Variants in HMGCL observed in about 807,000 individuals in gnomAD.
The protein encoded by HMGCL is hydroxymethylglutaryl-CoA lyase, mitochondrial.
HMGCL carries 26 observed loss-of-function variants against 37.3 expected under a neutral mutation model. The observed-to-expected ratio is 0.70, with a 90% CI of 0.51 to 0.97. The LOEUF (loss-of-function observed/expected upper bound fraction) is 0.97. Ranked by LOEUF, HMGCL falls within the 50% of genes least tolerant of loss-of-function variation. HMGCL has a pLI of 0.00. For missense variants in HMGCL, 379 were observed against 398.1 expected (o/e 0.95, Z 0.41); for synonymous variants, 151 against 148.0 (o/e 1.02, Z -0.15).
intron 7 of HMGCL, 103 bp downstream of exon 7, chr1:23,808,032 C>G: frequency 9.2e-7 from 1 of 1,087,896 alleles, no homozygotes; most frequent in Non-Finnish European, 1.4e-6. Flanking sequence ...CAGCTTGGAA[C>G]CTGGCATACT....
intron 7 of HMGCL, chr1:23,807,257 C>G (rs1378548326): frequency 1.9e-6 from 1 of 518,440 alleles, no homozygotes; most frequent in East Asian, 5.4e-5. Flanking sequence ...AAGGAAAGCC[C>G]AGGAACCAGG....
chr1:23,808,960 CAGTGGCA>C (rs1295253846), intron 6 of HMGCL, among the ~76,000 whole-genome samples: 2 of 150,738 alleles, frequency 1.3e-5, no homozygotes, highest in Non-Finnish European at 3.0e-5. Flanking sequence ...GGCTGGAGTG[CAGTGGCA>C]CAATCTCGGC....
chr1:23,811,627 C>T (rs1438073691), intron 5 of HMGCL, among the ~76,000 whole-genome samples: 1 of 152,104 alleles, frequency 6.6e-6, no homozygotes, highest in African/African-American at 2.4e-5. Context: ...GGGCAAAGCC[C>T]TGAGACAGAA....
chr1:23,805,194 A>C (rs1638384791), intron 7 of HMGCL, among the ~76,000 whole-genome samples: 1 of 152,046 alleles, frequency 6.6e-6, no homozygotes, highest in African/African-American at 2.4e-5. Flanking sequence ...CTCCTAGCCA[A>C]GGCCAACCCC....
At chr1:23,808,873 G>A (rs1291606896) in intron 6 of HMGCL, among the ~76,000 whole-genome samples, 4 of 149,858 alleles carry the variant, frequency 2.7e-5, no homozygotes, top group African/African-American at 9.8e-5. Flanking sequence ...CTCCCAAGTA[G>A]CTTGGACCAT....
rs532402322 is a variant in HMGCL at position 23,818,469 on chromosome 1, A to T, written c.145-886T>A. On this transcript the variant is annotated intron_variant, in intron 2 of 8. Transcript: ENST00000374490. ...GTCTCAAACAAAAAGAACACACAAA[A>T]ATACTCCAGGTCCTTCTCGCTAGGT... 2.6e-4 allele frequency among the ~76,000 whole-genome samples: 40 copies of T among 151,928 alleles called. No homozygotes were observed. The South Asian group carries it at 7.9e-3, about 30-fold the overall frequency.
chr1:23,804,513 C>T lies in HMGCL; in HGVS notation c.763G>A (p.Val255Ile), dbSNP rs1295857280. Residue 255 changes from valine to isoleucine, a missense_variant, in exon 8 of 9, where the codon GTC becomes ATC. Physicochemically the swap from Val to Ile is conservative, Grantham distance 29. Transcript: ENST00000374490. The stretch of plus-strand genomic sequence containing the variant: ...AGTCCTGCCACAGAAGAGTCCACGA[C>T]ACTCACTCCCATCTAGAAACATAAG... The part of the protein sequence containing the change: ...TLMALQMGVS[V>I]VDSSVAGLGG... 1.7e-5 allele frequency: 27 copies of T among 1,614,052 alleles called. 1 individual carries two copies. In the Admixed American group the frequency reaches 4.5e-4, roughly 27 times the overall value.
At chr1:23,814,826 A>G (rs933030604) in intron 4 of HMGCL, among the ~76,000 whole-genome samples, 2 of 152,152 alleles carry the variant, frequency 1.3e-5, no homozygotes, top group African/African-American at 4.8e-5. Context: ...CCTTATTTGG[A>G]AACAGCGTCA....
intron 7 of HMGCL, 58 bp downstream of exon 7, chr1:23,808,077 T>C: frequency 6.1e-6 from 9 of 1,476,150 alleles, no homozygotes; most frequent in Non-Finnish European, 8.5e-6. Context: ...GAATAAATGA[T>C]AACAAGCTGT....
intron 2 of HMGCL, 82 bp from the exon 3 acceptor site, chr1:23,817,665 T>C (rs1315569096): frequency 1.1e-5 from 9 of 846,628 alleles, no homozygotes; most frequent in Admixed American, 1.8e-5. Context: ...GTTCAAGTAC[T>C]ATAGATAATT....
At chr1:23,810,442 T>C in intron 6 of HMGCL, 1 of 416,062 alleles carries the variant, frequency 2.4e-6, no homozygotes, top group Non-Finnish European at 4.5e-6. Flanking sequence ...TGGGAACTCC[T>C]GGGTAAGGAG....
At chr1:23,811,932 A>G (rs1242185121) in intron 5 of HMGCL, among the ~76,000 whole-genome samples, 1 of 152,234 alleles carries the variant, frequency 6.6e-6, no homozygotes, top group African/African-American at 2.4e-5. Flanking sequence ...TTCCATTTTG[A>G]TGCTCCCACT....
Position 23,810,804 on chromosome 1 carries a change from G to T in HMGCL, c.498-5C>A. 1 of 1,613,146 alleles carries T rather than the reference G, an allele frequency of 6.2e-7. No homozygotes were observed. The highest frequency in any genetic ancestry group is 1.1e-5 in the South Asian group (1 of 91,040). Reference sequence around the variant, plus strand: ...CCAAGAGCACAGGAGACGTACCTGTGGGAAGACAGGGGAGGAATGAGGTCA... The same window carrying T: ...CCAAGAGCACAGGAGACGTACCTGTTGGAAGACAGGGGAGGAATGAGGTCA... On this transcript the variant is annotated splice_region_variant and splice_polypyrimidine_tract_variant and intron_variant, in intron 5 of 8. Coordinates refer to ENST00000374490, the MANE Select transcript of HMGCL (RefSeq NM_000191.3).
intron 8 of HMGCL, chr1:23,803,771 C>T (rs933059875): frequency 6.6e-6 from 1 of 152,482 alleles, no homozygotes; most frequent in African/African-American, 2.4e-5. Flanking sequence ...GCTTTAAACC[C>T]AGTTCCATCT....
In HMGCL at chr1:23,804,501, A is replaced by G. The variant is rs145824319; in HGVS notation, c.775T>C (p.Ser259Pro). The change falls in exon 8 of 9, where the codon TCT becomes CCT. Residue 259 changes from serine (S) to proline (P), a missense_variant. Coordinates refer to ENST00000374490, the MANE Select transcript of HMGCL (RefSeq NM_000191.3). ...LQMGVSVVDS[S>P]VAGLGGCPYA... ...GGACAGCCTCCAAGTCCTGCCACAG[A>G]AGAGTCCACGACACTCACTCCCATC... 4 of 1,614,020 alleles carry G rather than the reference A, an allele frequency of 2.5e-6. No homozygotes were observed. The highest frequency in any genetic ancestry group is 3.3e-5 in the Admixed American group (2 of 59,998).
At chr1:23,824,925 G>A (rs916734901) in intron 1 of HMGCL, among the ~76,000 whole-genome samples, 1 of 152,208 alleles carries the variant, frequency 6.6e-6, no homozygotes, top group African/African-American at 2.4e-5. Context: ...CGCAAGTCCC[G>A]CTCGGTAGGC....
intron 4 of HMGCL, 61 bp downstream of exon 4, chr1:23,816,614 G>A (rs1638617990): frequency 2.9e-6 from 3 of 1,021,064 alleles, no homozygotes; most frequent in South Asian, 2.5e-5. Flanking sequence ...GCCAAGACAA[G>A]GCAGGGACCA....
At chr1:23,814,366 A>C (rs756578288) in intron 4 of HMGCL, 28 bp from the exon 5 acceptor site, 1 of 1,611,406 alleles carries the variant, frequency 6.2e-7, no homozygotes, top group Admixed American at 1.7e-5. Flanking sequence ...AACTCCTTTC[A>C]GCACTTTTCT....
Position 23,801,904 on chromosome 1 carries a change from C to T in HMGCL, c.*559G>A, listed in dbSNP as rs1638283686. On this transcript the variant is annotated 3_prime_UTR_variant, in exon 9 of 9. Coordinates refer to ENST00000374490, the MANE Select transcript of HMGCL (RefSeq NM_000191.3). Reference sequence around the variant, plus strand: ...CTGGAATTATGATGTGCCATTCAACCTTTAATTACATAAGCTGTTTTCAAA... The same window carrying T: ...CTGGAATTATGATGTGCCATTCAACTTTTAATTACATAAGCTGTTTTCAAA... 2 of 419,332 alleles carry T rather than the reference C, an allele frequency of 4.8e-6. No individual in the cohort carries two copies. 26.0% of individuals were successfully genotyped at this position (419,332 alleles called of 1,614,324 possible). A position where few individuals can be genotyped will look rare whatever the true frequency, so the allele number is the denominator to read the frequency against.
Sources: allele counts gnomAD v4.1 joint callset (sites outside exome capture counted in the v4.1 genomes callset), GRCh38; gene constraint gnomAD v4.1.1; transcripts MANE v1.5; gene names NCBI Gene and HGNC (gene_info 2026-07-23, HGNC 2026-07-21).